SERINC5: variants seen among roughly 807,000 people sequenced by gnomAD.
SERINC5 encodes serine incorporator 5.
Under a neutral mutation model 63.1 loss-of-function variants are expected in SERINC5, and 41 were observed. The observed-to-expected ratio is 0.65, with a 90% CI of 0.51 to 0.84. The LOEUF (loss-of-function observed/expected upper bound fraction) is 0.84, where lower values mean the gene tolerates loss of function less well. Among genes scored for constraint, SERINC5 ranks in the 40% least tolerant of loss-of-function variants. The pLI is 0.00. For synonymous variants in SERINC5, 222 were observed against 215.2 expected, an observed-to-expected ratio of 1.03 and a Z score of -0.28; for missense variants, 523 against 573.0, an observed-to-expected ratio of 0.91 and a Z score of 0.89.
At chr5:80,237,232 T>C (rs1405941851) in intron 1 of SERINC5, among the ~76,000 whole-genome samples, 2 of 152,234 alleles carry the variant, frequency 1.3e-5, no homozygotes, top group African/African-American at 4.8e-5. Context: ...TGAGTGCTAT[T>C]GGCATCTGGG....
rs1745459837 is a variant in SERINC5 at position 80,140,740 on chromosome 5, C to T, written c.*2923G>A. 6.1e-6 allele frequency: 6 copies of T among 985,148 alleles called. No individual in the cohort carries two copies. The South Asian group carries it at 2.3e-4, about 39-fold the overall frequency. 61.0% of individuals were successfully genotyped at this position (985,148 alleles called of 1,614,324 possible). A position where few individuals can be genotyped will look rare whatever the true frequency, so the allele number is the denominator to read the frequency against. On this transcript the variant is annotated 3_prime_UTR_variant, in exon 12 of 12. Coordinates refer to ENST00000507668, the MANE Select transcript of SERINC5 (RefSeq NM_001174072.3). The stretch of plus-strand genomic sequence containing the variant: ...ATAAGAACCCCCACCCCCCTGCCAC[C>T]CACTTAGTGTTTTTACTCATAAAAA...
Position 80,255,883 on chromosome 5 carries a change from C to G in SERINC5, c.27+13G>C. ...GATCTGACAACCCCCGCGCTGCGCC[C>G]GGCCTCGCTCACCTGGCCCGCACAG... On this transcript the variant is annotated intron_variant, in intron 1 of 11. Coordinates refer to ENST00000507668, the MANE Select transcript of SERINC5 (RefSeq NM_001174072.3). The G allele has an allele frequency of 3.1e-6, 5 of 1,589,638 alleles. No homozygotes were observed. The highest frequency in any genetic ancestry group is 4.3e-6 in the Non-Finnish European group (5 of 1,172,530).
intron 10 of SERINC5, among the ~76,000 whole-genome samples, 154 bp downstream of exon 10, chr5:80,147,091 G>A (rs762570519): frequency 2.0e-5 from 3 of 152,224 alleles, no homozygotes; most frequent in Non-Finnish European, 2.9e-5. Context: ...CCTTCAGGAA[G>A]AATGTGAAAA....
intron 2 of SERINC5, among the ~76,000 whole-genome samples, chr5:80,190,815 G>C (rs1014538436): frequency 6.6e-6 from 1 of 152,120 alleles, no homozygotes; most frequent in Non-Finnish European, 1.5e-5. Context: ...CTAGTGATGG[G>C]AACCAGTACA....
At position 80,176,904 on chromosome 5, in the gene SERINC5, A is replaced by G. The variant is rs6866987; in HGVS notation, c.457+411T>C. Among the ~76,000 whole-genome samples, 288 of 152,326 alleles carry G rather than the reference A, an allele frequency of 1.9e-3. 4 individuals are homozygous for G. The highest frequency in any genetic ancestry group is 5.7e-3 in the African/African-American group (238 of 41,572). ...ATGAATTAAAGCAGGTTCTAACAAT[A>G]AAGAATATAATTCAATGCTACAGAG... is the stretch of plus-strand genomic sequence containing the variant. On this transcript the variant is annotated intron_variant, in intron 4 of 11. Coordinates refer to ENST00000507668, the MANE Select transcript of SERINC5 (RefSeq NM_001174072.3).
rs1393806243 is a variant in SERINC5, at chr5:80,143,540, T to A, written c.*123A>T. On this transcript the variant is annotated 3_prime_UTR_variant, in exon 12 of 12. Transcript: ENST00000507668. ...GCTAATCAGGAGATTTTTTTTTTTC[T>A]CTCTCAAAGCTTTTTCAGACCCACT... 7.4e-7 allele frequency: 1 copy of A among 1,353,470 alleles called. No homozygotes were observed. The allele number at this position is 1,353,470 out of a possible 1,614,324, so 83.8% of individuals were successfully genotyped here. A position where few individuals can be genotyped will look rare whatever the true frequency, so the allele number is the denominator to read the frequency against.
chr5:80,170,298 A>G (rs996864759), intron 5 of SERINC5, among the ~76,000 whole-genome samples: 1 of 152,190 alleles, frequency 6.6e-6, no homozygotes, highest in African/African-American at 2.4e-5. Context: ...TACAGCTGAC[A>G]TGTCCTTTTT....
chr5:80,224,922 CGT>C lies in SERINC5; in HGVS notation c.28-21871_28-21870del, dbSNP rs1491264937. On this transcript the variant is annotated intron_variant, in intron 1 of 11. Coordinates refer to ENST00000507668, the MANE Select transcript of SERINC5 (RefSeq NM_001174072.3). ...TACAGGCGTGAGCCATCACGCCCAG[CGT>C]TTTTTTTTTTGTTTTTTTTTGTTTT... Among the ~76,000 whole-genome samples the C allele has an allele frequency of 9.3e-5, 8 of 86,086 alleles. No homozygotes were observed. In the East Asian group the frequency reaches 1.4e-3, roughly 15 times the overall value. 56.5% of individuals were successfully genotyped at this position (86,086 alleles called of 152,430 possible).
At chr5:80,224,977 G>A (rs1751105750) in intron 1 of SERINC5, among the ~76,000 whole-genome samples, 1 of 134,568 alleles carries the variant, frequency 7.4e-6, no homozygotes, top group Admixed American at 7.8e-5. Context: ...TTTTGCTCTT[G>A]TTGCCCAGGC....
intron 2 of SERINC5, among the ~76,000 whole-genome samples, chr5:80,185,414 G>C (rs1748732517): frequency 6.6e-6 from 1 of 152,128 alleles, no homozygotes; most frequent in South Asian, 2.1e-4. Context: ...AATTACATCA[G>C]ATAACACCTG....
At chr5:80,174,405 A>AATAATAAT (rs1561394606) in intron 5 of SERINC5, among the ~76,000 whole-genome samples, 5 of 84,346 alleles carry the variant, frequency 5.9e-5, no homozygotes, top group Admixed American at 2.2e-4. Flanking sequence ...ATAATAATAA[A>AATAATAAT]AGAAAAAGAA....
chr5:80,166,384 T>C lies in SERINC5; in HGVS notation c.858A>G (p.Val286=). ...AAGCCCACTAACAGGCTGGCTTACC[T>C]ACTTCTGCAGGTTTGCTGGACAGAG... ...FSALSSKPAE[V]VLDEHGKNVT... Residue 286 remains valine, a splice_region_variant and synonymous_variant, in exon 7 of 12, where the codon GTA becomes GTG. Coordinates refer to ENST00000507668, the MANE Select transcript of SERINC5 (RefSeq NM_001174072.3). 1 of 1,576,604 alleles carries C rather than the reference T, an allele frequency of 6.3e-7. No homozygotes were observed. The highest frequency in any genetic ancestry group is 8.6e-7 in the Non-Finnish European group (1 of 1,160,008).
At chr5:80,255,812 G>T in intron 1 of SERINC5, 84 bp downstream of exon 1, 1 of 1,411,300 alleles carries the variant, frequency 7.1e-7, no homozygotes, top group South Asian at 1.2e-5. Flanking sequence ...AGCTGGGAGC[G>T]CACCCAGGCA....
chr5:80,203,620 AT>A (rs1359136455), intron 1 of SERINC5, among the ~76,000 whole-genome samples: 1 of 152,166 alleles, frequency 6.6e-6, no homozygotes. Flanking sequence ...AAACAATCAT[AT>A]TAGGTTGGTG....
rs961468908 is a variant in SERINC5, at chr5:80,141,329, C to T, written c.*2334G>A. 2.0e-5 allele frequency: 20 copies of T among 985,306 alleles called. No individual in the cohort carries two copies. Among genetic ancestry groups the T allele is most frequent in the African/African-American group, 5.2e-5 (3 of 57,228 alleles). The allele number at this position is 985,306 out of a possible 1,614,324, so 61.0% of individuals were successfully genotyped here. A position where few individuals can be genotyped will look rare whatever the true frequency, so the allele number is the denominator to read the frequency against. On this transcript the variant is annotated 3_prime_UTR_variant, in exon 12 of 12. Transcript: ENST00000507668. ...TGGCTGGGCTGGCTCCAGAAGGAAG[C>T]GACGAGGGCCTTCTACCGGCCACAC...
intron 8 of SERINC5, among the ~76,000 whole-genome samples, chr5:80,153,039 T>C (rs1371429858): frequency 3.3e-5 from 5 of 152,268 alleles, no homozygotes; most frequent in Non-Finnish European, 7.3e-5. Context: ...TGGGCTCCTT[T>C]GCCACTTCAC....
At chr5:80,161,503 A>G (rs1437524346) in intron 7 of SERINC5, among the ~76,000 whole-genome samples, 1 of 152,012 alleles carries the variant, frequency 6.6e-6, no homozygotes, top group East Asian at 1.9e-4. Flanking sequence ...TCTTCTTTAG[A>G]AAAAAAATGA....
At chr5:80,234,307 C>A (rs114903004) in intron 1 of SERINC5, among the ~76,000 whole-genome samples, 1 of 152,102 alleles carries the variant, frequency 6.6e-6, no homozygotes, top group African/African-American at 2.4e-5. Flanking sequence ...TTAGGATTGG[C>A]GTACCCGTTT....
At chr5:80,228,454 T>C (rs1417792355) in intron 1 of SERINC5, among the ~76,000 whole-genome samples, 1 of 117,276 alleles carries the variant, frequency 8.5e-6, no homozygotes, top group African/African-American at 4.1e-5. Flanking sequence ...TTTCAACTAT[T>C]AAGAATTTTT....
Sources: allele counts gnomAD v4.1 joint callset (sites outside exome capture counted in the v4.1 genomes callset), GRCh38; gene constraint gnomAD v4.1.1; transcripts MANE v1.5; gene names NCBI Gene and HGNC (gene_info 2026-07-23, HGNC 2026-07-21).